The following MMRN1 variants were observed in gnomAD, a reference collection of about 807,000 sequenced individuals.
The protein encoded by MMRN1 is multimerin-1.
Under a neutral mutation model 100.7 loss-of-function variants are expected in MMRN1, and 94 were observed. The observed-to-expected ratio is 0.93, with a 90% CI of 0.79 to 1.11. MMRN1 has a LOEUF of 1.11. Ranked by LOEUF, MMRN1 falls within the 50% of genes least tolerant of loss-of-function variation. The pLI is 0.00. For synonymous variants in MMRN1, 575 were observed against 505.0 expected, an observed-to-expected ratio of 1.14 and a Z score of -1.86; for missense variants, 1,606 against 1,439.1, an observed-to-expected ratio of 1.12 and a Z score of -1.88.
Position 89,935,052 on chromosome 4 carries a change from G to A in MMRN1, c.1372G>A (p.Glu458Lys). The change falls in exon 6 of 8, where the codon GAA (glutamate) becomes AAA (lysine). Residue 458 changes from glutamate to lysine, a missense_variant. Physicochemically the swap from Glu to Lys is moderately conservative, Grantham distance 56. Transcript: ENST00000264790. ...TCGGCCCACTTTGACTGATATAGTG[G>A]AACTAAGGAATCACATTGTGAATGT... ...ENRPTLTDIVELRNHIVNVRQ... is the reference protein window; with the variant it reads ...ENRPTLTDIVKLRNHIVNVRQ... The A allele has an allele frequency of 6.2e-7, 1 of 1,613,586 alleles. No individual in the cohort carries two copies. Among genetic ancestry groups the A allele is most frequent in the Non-Finnish European group, 8.5e-7 (1 of 1,179,738 alleles).
upstream of MMRN1, among the ~76,000 whole-genome samples, chr4:89,891,804 T>C (rs1721061344): frequency 6.6e-6 from 1 of 152,056 alleles, no homozygotes; most frequent in Non-Finnish European, 1.5e-5. Context: ...TTTTAAACTA[T>C]TTTAAGAAAA....
Position 89,934,972 on chromosome 4 carries a change from A to G in MMRN1, c.1292A>G (p.Asn431Ser), listed in dbSNP as rs1345542786. 1 of 1,613,700 alleles carries G rather than the reference A, an allele frequency of 6.2e-7. No homozygotes were observed. The highest frequency in any genetic ancestry group is 1.3e-5 in the African/African-American group (1 of 75,022). The stretch of plus-strand genomic sequence containing the variant: ...ACCAGGCAAATAATTCAAAAAGTTA[A>G]TGAATCTGTGGTTTCAATAGCAGCC... Reference protein sequence around the residue: ...ESTRQIIQKVNESVVSIAAQQ... With the variant: ...ESTRQIIQKVSESVVSIAAQQ... The change falls in exon 6 of 8, where the codon AAT becomes AGT. Residue 431 changes from asparagine (N) to serine (S), a missense_variant. Physicochemically the swap from Asn to Ser is conservative, Grantham distance 46. Coordinates refer to ENST00000264790, the MANE Select transcript of MMRN1 (RefSeq NM_007351.3).
intron 1 of MMRN1, chr4:89,902,066 T>C (rs1721406815): frequency 6.6e-6 from 1 of 151,318 alleles, no homozygotes; most frequent in African/African-American, 2.4e-5. Context: ...GCCCGGAATA[T>C]GCTCAAGTCA....
At position 89,936,479 on chromosome 4, in the gene MMRN1, T is replaced by A; in HGVS notation, c.2799T>A (p.Asn933Lys). Residue 933 changes from asparagine (N) to lysine (K), a missense_variant, in exon 6 of 8, where the codon AAT (asparagine) becomes AAA (lysine). Transcript: ENST00000264790. Reference protein sequence around the residue: ...TLHEVLTMCHNASTSVSELNA... With the variant: ...TLHEVLTMCHKASTSVSELNA... ...ACGAAGTTTTAACAATGTGTCACAA[T>A]GCTTCTACAAGTGTGTCAGAACTGA... 1 of 1,613,226 alleles carries A rather than the reference T, an allele frequency of 6.2e-7. No homozygotes were observed. Among genetic ancestry groups the A allele is most frequent in the Non-Finnish European group, 8.5e-7 (1 of 1,179,646 alleles).
chr4:89,948,800 A>G (rs1321211400), intron 6 of MMRN1, among the ~76,000 whole-genome samples: 1 of 152,212 alleles, frequency 6.6e-6, no homozygotes, highest in Non-Finnish European at 1.5e-5. Flanking sequence ...AACTTAAAAC[A>G]GAAGCAGTCG....
intron 1 of MMRN1, among the ~76,000 whole-genome samples, chr4:89,885,323 T>A (rs1720912325): frequency 6.6e-6 from 1 of 152,140 alleles, no homozygotes; most frequent in African/African-American, 2.4e-5. Context: ...TACACAATGC[T>A]ATCATTTTGT....
intron 1 of MMRN1, among the ~76,000 whole-genome samples, chr4:89,882,763 G>A (rs892307909): frequency 3.3e-5 from 5 of 151,862 alleles, no homozygotes; most frequent in African/African-American, 9.7e-5. Flanking sequence ...AAAACTTAAT[G>A]TGTAATATAT....
intron 1 of MMRN1, among the ~76,000 whole-genome samples, chr4:89,888,237 C>T (rs1720980021): frequency 6.6e-6 from 1 of 151,970 alleles, no homozygotes; most frequent in Non-Finnish European, 1.5e-5. Context: ...CTTCTGAAAT[C>T]AAATTCTTTC....
At position 89,927,890 on chromosome 4, in the gene MMRN1, G is replaced by T. The variant is rs1247952008; in HGVS notation, c.1051G>T (p.Asp351Tyr). 1.9e-6 allele frequency: 3 copies of T among 1,611,602 alleles called. No homozygotes were observed. Among genetic ancestry groups the T allele is most frequent in the Admixed American group, 1.7e-5 (1 of 59,666 alleles). ...TGACAATATTTCTTTGACTGTGAAT[G>T]ATGTAAGGAACACTTACTCCTCCCT... ...KIDNISLTVN[D>Y]VRNTYSSLEG... Residue 351 changes from aspartate (D) to tyrosine (Y), a missense_variant, in exon 5 of 8, where the codon GAT becomes TAT. By Grantham distance (160) the Asp-to-Tyr change is radical. Coordinates refer to ENST00000264790, the MANE Select transcript of MMRN1 (RefSeq NM_007351.3).
In MMRN1 at chr4:89,895,283, GA is replaced by G; in HGVS notation, c.315del (p.Ala106GlnfsTer34). ...GAAATCAAACTCTCACATCCACAGAGAAAGCAGAAGGAGTGGTCAAGTTACA... is the reference window on the plus strand; with the variant it reads ...GAAATCAAACTCTCACATCCACAGAGAAGCAGAAGGAGTGGTCAAGTTACA... ...VRNQTLTSTE[K>X]AEGVVKLQNL... is the part of the protein sequence containing the mutation. On this transcript the variant is annotated frameshift_variant, in exon 1 of 8. Coordinates refer to ENST00000264790, the MANE Select transcript of MMRN1 (RefSeq NM_007351.3). LOFTEE classifies it high-confidence loss of function. 1 of 1,613,910 alleles carries G rather than the reference GA, an allele frequency of 6.2e-7. No homozygotes were observed. The highest frequency in any genetic ancestry group is 8.5e-7 in the Non-Finnish European group (1 of 1,179,934).
intron 1 of MMRN1, among the ~76,000 whole-genome samples, chr4:89,900,422 A>T (rs906648740): frequency 1.3e-5 from 2 of 152,006 alleles, no homozygotes; most frequent in African/African-American, 2.4e-5. Context: ...CTCCTCTTCC[A>T]CTTGCACCTC....
At chr4:89,905,400 C>T (rs1289533655) in intron 1 of MMRN1, among the ~76,000 whole-genome samples, 1 of 151,304 alleles carries the variant, frequency 6.6e-6, no homozygotes, top group Non-Finnish European at 1.5e-5. Flanking sequence ...AATTAAGTCC[C>T]ACCAGAGACT....
intron 1 of MMRN1, among the ~76,000 whole-genome samples, chr4:89,908,517 T>C (rs1721642234): frequency 6.6e-6 from 1 of 151,540 alleles, no homozygotes; most frequent in African/African-American, 2.4e-5. Context: ...ACATGATTCA[T>C]TGGCTTTTTC....
At chr4:89,889,944 C>T (rs1485460290), upstream of MMRN1, among the ~76,000 whole-genome samples, 1 of 152,102 alleles carries the variant, frequency 6.6e-6, no homozygotes, top group African/African-American at 2.4e-5. Flanking sequence ...TGCCTTATCT[C>T]TAGCCTTTGG....
At chr4:89,942,251 A>G (rs552971861) in intron 6 of MMRN1, among the ~76,000 whole-genome samples, 2 of 152,314 alleles carry the variant, frequency 1.3e-5, no homozygotes, top group South Asian at 4.1e-4. Flanking sequence ...CAAGGATTTG[A>G]AACGAAATTT....
At chr4:89,939,191 G>A (rs1018358063) in intron 6 of MMRN1, among the ~76,000 whole-genome samples, 16 of 151,956 alleles carry the variant, frequency 1.1e-4, no homozygotes, top group African/African-American at 3.4e-4. Context: ...AAATTTGGCT[G>A]TTTCATTTCA....
intron 6 of MMRN1, among the ~76,000 whole-genome samples, chr4:89,948,442 T>C (rs1723058364): frequency 6.6e-6 from 1 of 152,176 alleles, no homozygotes; most frequent in African/African-American, 2.4e-5. Context: ...TAAATTTTAT[T>C]ATCAATAATA....
intron 5 of MMRN1, among the ~76,000 whole-genome samples, chr4:89,928,643 A>T (rs1039844420): frequency 2.6e-5 from 4 of 152,038 alleles, no homozygotes; most frequent in African/African-American, 7.2e-5. Context: ...TGTTTTCTTG[A>T]TGTCTGTAAA....
intron 6 of MMRN1, among the ~76,000 whole-genome samples, chr4:89,945,487 A>T (rs1295033086): frequency 2.0e-5 from 3 of 152,162 alleles, no homozygotes; most frequent in Non-Finnish European, 4.4e-5. Flanking sequence ...CCAGCACTTG[A>T]CATTGTCAAT....
Sources: allele counts gnomAD v4.1 joint callset (sites outside exome capture counted in the v4.1 genomes callset), GRCh38; gene constraint gnomAD v4.1.1; transcripts MANE v1.5; gene names NCBI Gene and HGNC (gene_info 2026-07-23, HGNC 2026-07-21).